SARDH: variants seen among roughly 807,000 people sequenced by gnomAD.
The protein encoded by SARDH is sarcosine dehydrogenase, also known as sarcosine dehydrogenase, mitochondrial.
In SARDH, 95 loss-of-function variants were observed where a neutral mutation model predicts 109.1. The observed-to-expected ratio is 0.87, with a 90% CI of 0.74 to 1.03. The LOEUF (loss-of-function observed/expected upper bound fraction) is 1.03. Ranked by LOEUF, SARDH falls within the 50% of genes least tolerant of loss-of-function variation. The pLI is 0.00. For synonymous variants in SARDH, 572 were observed against 534.8 expected (o/e 1.07, Z -0.96); for missense variants, 1,267 against 1,287.8 (o/e 0.98, Z 0.25).
intron 2 of SARDH, among the ~76,000 whole-genome samples, 184 bp from the exon 3 acceptor site, chr9:133,732,785 T>C (rs1288033393): frequency 6.6e-6 from 1 of 152,044 alleles, no homozygotes; most frequent in African/African-American, 2.4e-5. Flanking sequence ...AAGATGAATG[T>C]GAGGGAGGTC....
chr9:133,737,539 A>G (rs1832925063), intron 1 of SARDH, among the ~76,000 whole-genome samples: 1 of 152,118 alleles, frequency 6.6e-6, no homozygotes, highest in Non-Finnish European at 1.5e-5. Flanking sequence ...CCAAGGCTGA[A>G]CACCCCCACC....
intron 1 of SARDH, among the ~76,000 whole-genome samples, chr9:133,736,369 TTC>T (rs1269022992): frequency 1.1e-4 from 14 of 130,912 alleles, no homozygotes; most frequent in Non-Finnish European, 1.8e-4. Flanking sequence ...CATGTTTAAA[TTC>T]TGTTTTGTTG....
intron 1 of SARDH, 38 bp from the exon 2 acceptor site, chr9:133,734,241 G>A: frequency 7.2e-7 from 1 of 1,380,902 alleles, no homozygotes; most frequent in South Asian, 1.5e-5. Context: ...GTGCAGAGGG[G>A]ACACGCTGGG....
rs139040637 is a variant in SARDH, at chr9:133,666,735, C to T, written c.2631G>A (p.Pro877=). 1.5e-4 allele frequency: 239 copies of T among 1,587,302 alleles called. No individual in the cohort carries two copies. The African/African-American group carries it at 2.5e-3, about 16-fold the overall frequency. Residue 877 remains proline, a splice_region_variant and synonymous_variant, in exon 20 of 21, where the codon CCG becomes CCA. Transcript: ENST00000439388. This position sits in a 1 kb window ranked among gnomAD's most constrained non-coding sequence, Gnocchi z 5.2. ...AGCAGGGCCAGAGAAGGGGACTCACCGGCCCACCGCTGGGGTCATGGATGT... is the reference window on the plus strand; with the variant it reads ...AGCAGGGCCAGAGAAGGGGACTCACTGGCCCACCGCTGGGGTCATGGATGT... ...YGYIHDPSGG[P]VSLDFVKSGD...
Position 133,719,042 on chromosome 9 carries a change from T to C in SARDH, c.916A>G (p.Asn306Asp). The C allele has an allele frequency of 6.2e-7, 1 of 1,613,828 alleles. No homozygotes were observed. Among genetic ancestry groups the C allele is most frequent in the South Asian group, 1.1e-5 (1 of 91,062 alleles). The change falls in exon 7 of 21, where the codon AAC (asparagine) becomes GAC (aspartate). Residue 306 changes from asparagine to aspartate, a missense_variant and splice_region_variant. Coordinates refer to ENST00000439388, the MANE Select transcript of SARDH (RefSeq NM_001134707.2). ...VVTERIEGIQ[N>D]MPNVRDHDAS... ...TCATGATCACGGACATTGGGCATGT[T>C]CTGGAAGGCAGAGAGAGAGGCCTTG...
At chr9:133,725,024 C>T (rs1413076530) in intron 6 of SARDH, among the ~76,000 whole-genome samples, 1 of 152,172 alleles carries the variant, frequency 6.6e-6, no homozygotes, top group Non-Finnish European at 1.5e-5. Flanking sequence ...GGATAAAGTG[C>T]ATTGTATCCA....
intron 17 of SARDH, among the ~76,000 whole-genome samples, chr9:133,672,272 C>CTAGATAAGGATATTAT (rs1216012557): frequency 6.6e-6 from 1 of 152,202 alleles, no homozygotes; most frequent in Non-Finnish European, 1.5e-5. Flanking sequence ...TTAGGACCTT[C>CTAGATAAGGATATTAT]CCTAGCCCTA....
At chr9:133,683,466 G>C (rs148608022) in intron 17 of SARDH, among the ~76,000 whole-genome samples, 4 of 152,238 alleles carry the variant, frequency 2.6e-5, no homozygotes, top group Non-Finnish European at 5.9e-5. Context: ...AAAGCTGGAT[G>C]CTGCGTGGAC....
intron 17 of SARDH, among the ~76,000 whole-genome samples, chr9:133,682,737 A>G (rs1461522195): frequency 9.6e-6 from 1 of 104,222 alleles, no homozygotes; most frequent in African/African-American, 5.4e-5. Flanking sequence ...AAACTGCTAG[A>G]AGCGAGGTCT....
intron 17 of SARDH, among the ~76,000 whole-genome samples, chr9:133,680,621 T>C (rs1830664518): frequency 6.6e-6 from 1 of 152,328 alleles, no homozygotes; most frequent in East Asian, 1.9e-4. Flanking sequence ...GAGGACAGGA[T>C]TCCTGGCCGC....
intron 10 of SARDH, among the ~76,000 whole-genome samples, chr9:133,710,714 C>T (rs1055849011): frequency 3.3e-5 from 5 of 152,262 alleles, no homozygotes; most frequent in East Asian, 3.8e-4. Context: ...TCTCAGTCCC[C>T]GGGCGCAGGC....
At chr9:133,708,691 G>A (rs935759124) in intron 10 of SARDH, among the ~76,000 whole-genome samples, 1 of 152,038 alleles carries the variant, frequency 6.6e-6, no homozygotes, top group Non-Finnish European at 1.5e-5. Flanking sequence ...TCCCCCACAG[G>A]GACATGGGAC....
At position 133,670,609 on chromosome 9, in the gene SARDH, G is replaced by T. The variant is rs375124485; in HGVS notation, c.2470C>A (p.Arg824Ser). The change falls in exon 19 of 21, where the codon CGC becomes AGC. Residue 824 changes from arginine (R) to serine (S), a missense_variant. Coordinates refer to ENST00000439388, the MANE Select transcript of SARDH (RefSeq NM_001134707.2). The part of the protein sequence containing the change: ...EQQRAAGLRR[R>S]LVCFTMEDKV... Reference sequence around the variant, plus strand: ...TCCTCCATGGTGAAGCACACCAGGCGCCGGCGGAGGCCTGCGGCCCGCTGC... The same window carrying T: ...TCCTCCATGGTGAAGCACACCAGGCTCCGGCGGAGGCCTGCGGCCCGCTGC... The T allele has an allele frequency of 2.5e-6, 4 of 1,576,508 alleles. No individual in the cohort carries two copies. Among genetic ancestry groups the T allele is most frequent in the Non-Finnish European group, 3.4e-6 (4 of 1,161,358 alleles).
Position 133,673,978 on chromosome 9 carries a change from C to T in SARDH, c.2164-2281G>A, listed in dbSNP as rs369665488. Among the ~76,000 whole-genome samples, 48 of 152,218 alleles carry T rather than the reference C, an allele frequency of 3.2e-4. No individual in the cohort carries two copies. In the South Asian group the frequency reaches 7.1e-3, roughly 22 times the overall value. Reference sequence around the variant, plus strand: ...CTGGGTCTGGGTCTCCATTGTACGCCGTGCACAGCCTGGCCCAAGAAACAG... The same window carrying T: ...CTGGGTCTGGGTCTCCATTGTACGCTGTGCACAGCCTGGCCCAAGAAACAG... On this transcript the variant is annotated intron_variant, in intron 17 of 20. Coordinates refer to ENST00000439388, the MANE Select transcript of SARDH (RefSeq NM_001134707.2).
In SARDH at chr9:133,686,845, G is replaced by A. The variant is rs1202004257; in HGVS notation, c.2070-1559C>T. 1.3e-5 allele frequency among the ~76,000 whole-genome samples: 2 copies of A among 152,224 alleles called. No homozygotes were observed. The highest frequency in any genetic ancestry group is 4.8e-5 in the African/African-American group (2 of 41,454). ...GCCAAGACCCTTATGTAACCACTCA[G>A]CACCCACGTGGTGCCAAGCCCTGGA... is the stretch of plus-strand genomic sequence containing the variant. On this transcript the variant is annotated intron_variant, in intron 16 of 20. Coordinates refer to ENST00000439388, the MANE Select transcript of SARDH (RefSeq NM_001134707.2). The surrounding 1 kb of genome is among the most constrained non-coding windows in gnomAD (Gnocchi z 4.0).
rs762498191 is a variant in SARDH at position 133,733,828 on chromosome 9, G to T, written c.331+15C>A. On this transcript the variant is annotated intron_variant, in intron 2 of 20. Transcript: ENST00000439388. ...TCCTATCCTTCCCTGCCCCTACCTG[G>T]CCCCCGGTCCCTACCTGCCGTGTGC... 1 of 1,447,998 alleles carries T rather than the reference G, an allele frequency of 6.9e-7. No homozygotes were observed. The highest frequency in any genetic ancestry group is 9.1e-7 in the Non-Finnish European group (1 of 1,097,396). 89.7% of individuals were successfully genotyped at this position (1,447,998 alleles called of 1,614,324 possible). A position where few individuals can be genotyped will look rare whatever the true frequency, so the allele number is the denominator to read the frequency against.
intron 8 of SARDH, among the ~76,000 whole-genome samples, chr9:133,713,827 A>G (rs759357722): frequency 6.6e-6 from 1 of 152,212 alleles, no homozygotes; most frequent in Non-Finnish European, 1.5e-5. Context: ...GTCCTAGTCT[A>G]TAAAACTGGG....
intron 6 of SARDH, among the ~76,000 whole-genome samples, chr9:133,722,035 G>A (rs1169303681): frequency 1.3e-5 from 2 of 152,134 alleles, no homozygotes; most frequent in Non-Finnish European, 1.5e-5. Flanking sequence ...GAATTTGCTT[G>A]AACCCAGGAA....
intron 20 of SARDH, among the ~76,000 whole-genome samples, chr9:133,664,337 C>T (rs777614620): frequency 2.0e-5 from 3 of 152,226 alleles, no homozygotes; most frequent in African/African-American, 2.4e-5. Flanking sequence ...GTGGCTTCCC[C>T]GGACCCGGGC....
Sources: gnomAD v4.1 joint callset for allele counts (sites outside exome capture counted in the v4.1 genomes callset) on GRCh38, gnomAD v4.1.1 for gene constraint, Gnocchi (gnomAD v3.1) non-coding constraint, MANE v1.5 for transcripts, NCBI Gene and HGNC (gene_info 2026-07-23, HGNC 2026-07-21) for gene names.